The following PLCH1 variants were observed in gnomAD, a reference collection of about 807,000 sequenced individuals.
PLCH1 encodes the protein phospholipase C eta 1.
In PLCH1, 60 loss-of-function variants were observed where a neutral mutation model predicts 126.7. The observed-to-expected ratio is 0.47, with a 90% CI of 0.38 to 0.59. The LOEUF is 0.59. PLCH1 is among the 20% of genes least tolerant of loss of function. The pLI is 0.00. For missense variants in PLCH1, 1,723 were observed against 2,040.0 expected, an observed-to-expected ratio of 0.84 and a Z score of 2.99; for synonymous variants, 719 against 734.9, an observed-to-expected ratio of 0.98 and a Z score of 0.35.
At chr3:155,673,168 C>T (rs1483055969) in intron 2 of PLCH1, among the ~76,000 whole-genome samples, 1 of 145,050 alleles carries the variant, frequency 6.9e-6, no homozygotes, top group Non-Finnish European at 1.5e-5. Context: ...CTTGCTTATA[C>T]ACCTGACATC....
chr3:155,655,931 C>G lies in PLCH1; in HGVS notation c.79+48215G>C, dbSNP rs149281789. On this transcript the variant is annotated intron_variant, in intron 2 of 22. Transcript: ENST00000460012. ...AATAAAACAGATTACAAAATACTAG[C>G]AAAACTACCCAAGGAAGAAAAGAAT... 4.0e-4 allele frequency among the ~76,000 whole-genome samples: 61 copies of G among 151,932 alleles called. No individual in the cohort carries two copies. In the East Asian group the frequency reaches 0.012, roughly 29 times the overall value.
chr3:155,583,621 G>C lies in PLCH1; in HGVS notation c.622C>G (p.Gln208Glu). ...AACTCTTCAAATGTCAAAGTTCCCT[G>C]ATTCTCATCTGTGTCGGCTTCCTGA... ...MFQEADTDENQGTLTFEEFCV... is the reference protein window; with the variant it reads ...MFQEADTDENEGTLTFEEFCV... Residue 208 changes from glutamine to glutamate, a missense_variant, in exon 6 of 23, where the codon CAG (glutamine) becomes GAG (glutamate). By Grantham distance (29) the Gln-to-Glu change is conservative. Around this residue, in one of 2 missense-constraint regions of PLCH1, gnomAD observed 776 missense variants for 1,062.9 expected, o/e 0.73. Coordinates refer to ENST00000460012, the MANE Select transcript of PLCH1 (RefSeq NM_014996.4). The C allele has an allele frequency of 6.3e-7, 1 of 1,576,090 alleles. No homozygotes were observed. The highest frequency in any genetic ancestry group is 8.6e-7 in the Non-Finnish European group (1 of 1,169,546).
At chr3:155,452,814 C>A (rs1712341502) in intron 21 of PLCH1, among the ~76,000 whole-genome samples, 1 of 152,138 alleles carries the variant, frequency 6.6e-6, no homozygotes, top group African/African-American at 2.4e-5. Context: ...CTCAAAACAT[C>A]TATGTATGCT....
chr3:155,684,787 C>T (rs192091188), intron 2 of PLCH1, among the ~76,000 whole-genome samples: 1 of 152,298 alleles, frequency 6.6e-6, no homozygotes, highest in African/African-American at 2.4e-5. Context: ...GAAAAATCAA[C>T]TCCTTTGTCT....
chr3:155,505,097 G>A (rs1057057356), intron 12 of PLCH1, among the ~76,000 whole-genome samples: 2 of 152,208 alleles, frequency 1.3e-5, no homozygotes, highest in African/African-American at 2.4e-5. Flanking sequence ...ACTAAACAGT[G>A]CTATGTGGGA....
intron 1 of PLCH1, among the ~76,000 whole-genome samples, chr3:155,740,278 G>T (rs527708288): frequency 1.3e-5 from 2 of 152,146 alleles, no homozygotes; most frequent in African/African-American, 4.8e-5. Context: ...GGGCATGATG[G>T]CGGGCGCCTG....
rs745320298 is a variant in PLCH1, at chr3:155,586,056, A to G, written c.600+9T>C. On this transcript the variant is annotated intron_variant, in intron 5 of 22. Transcript: ENST00000460012. ...TTTATATAAGGCCAGTGAAATTGTGAAAACTTACCTGAAACATTTGTCTGA... is the reference window on the plus strand; with the variant it reads ...TTTATATAAGGCCAGTGAAATTGTGGAAACTTACCTGAAACATTTGTCTGA... 3 of 1,613,674 alleles carry G rather than the reference A, an allele frequency of 1.9e-6. No individual in the cohort carries two copies. The highest frequency in any genetic ancestry group is 2.2e-5 in the South Asian group (2 of 91,070).
intron 2 of PLCH1, among the ~76,000 whole-genome samples, chr3:155,652,218 C>A (rs1740783807): frequency 6.6e-6 from 1 of 152,166 alleles, no homozygotes; most frequent in Admixed American, 6.5e-5. Flanking sequence ...GCTACTGGAC[C>A]CCTCAAACAG....
chr3:155,700,033 C>A (rs1490329615), intron 2 of PLCH1, among the ~76,000 whole-genome samples: 1 of 152,160 alleles, frequency 6.6e-6, no homozygotes, highest in East Asian at 1.9e-4. Flanking sequence ...TTTGACTACA[C>A]AGAGACCTCA....
At chr3:155,610,786 C>CAA (rs58036188) in intron 2 of PLCH1, among the ~76,000 whole-genome samples, 19 of 150,924 alleles carry the variant, frequency 1.3e-4, no homozygotes, top group East Asian at 5.8e-4. Flanking sequence ...ACAGGGCCTA[C>CAA]AAAAAAAACA....
At chr3:155,669,564 T>A (rs1743184700) in intron 2 of PLCH1, among the ~76,000 whole-genome samples, 1 of 152,190 alleles carries the variant, frequency 6.6e-6, no homozygotes, top group East Asian at 1.9e-4. Context: ...GACAACAAAA[T>A]TTGTATGTTC....
chr3:155,591,782 G>A (rs1732206727), intron 4 of PLCH1, among the ~76,000 whole-genome samples: 2 of 152,058 alleles, frequency 1.3e-5, no homozygotes, highest in South Asian at 4.2e-4. Flanking sequence ...GTAGCTCACC[G>A]CTGCCTCCAA....
chr3:155,682,330 A>G (rs148063039), intron 2 of PLCH1, among the ~76,000 whole-genome samples: 69 of 152,340 alleles, frequency 4.5e-4, no homozygotes, highest in Middle Eastern at 3.4e-3. Context: ...TATGAAGCTC[A>G]GAAAGCCCCA....
chr3:155,606,983 A>T (rs1378529773), intron 2 of PLCH1, among the ~76,000 whole-genome samples: 3 of 152,248 alleles, frequency 2.0e-5, no homozygotes, highest in Non-Finnish European at 2.9e-5. Context: ...AATACAATTT[A>T]AAAATTTACA....
intron 1 of PLCH1, among the ~76,000 whole-genome samples, chr3:155,730,117 T>C (rs1335371715): frequency 1.3e-5 from 2 of 151,984 alleles, no homozygotes; most frequent in Non-Finnish European, 2.9e-5. Flanking sequence ...TTCTTAATCC[T>C]CTAACAGGTC....
At chr3:155,682,828 A>G (rs149280901) in intron 2 of PLCH1, among the ~76,000 whole-genome samples, 6 of 152,340 alleles carry the variant, frequency 3.9e-5, no homozygotes, top group Non-Finnish European at 8.8e-5. Flanking sequence ...AACCCAGTGT[A>G]TTACAAAAAT....
intron 2 of PLCH1, among the ~76,000 whole-genome samples, chr3:155,691,814 A>G (rs1745405315): frequency 6.6e-6 from 1 of 152,118 alleles, no homozygotes; most frequent in Admixed American, 6.5e-5. Context: ...AGTTCTCATC[A>G]TAGATTAATC....
chr3:155,501,129 T>C (rs1717826692), intron 13 of PLCH1, among the ~76,000 whole-genome samples: 1 of 152,206 alleles, frequency 6.6e-6, no homozygotes, highest in African/African-American at 2.4e-5. Context: ...TAAATGATTA[T>C]AAGGGACAAA....
intron 2 of PLCH1, among the ~76,000 whole-genome samples, chr3:155,671,817 G>A (rs1577293212): frequency 6.6e-6 from 1 of 152,154 alleles, no homozygotes. Flanking sequence ...ATAAGTGGCA[G>A]TGTAAGTGCA....
Sources: allele counts gnomAD v4.1 joint callset (sites outside exome capture counted in the v4.1 genomes callset), GRCh38; gene constraint gnomAD v4.1.1; regional missense constraint gnomAD v4.1.1; transcripts MANE v1.5; gene names NCBI Gene and HGNC (gene_info 2026-07-23, HGNC 2026-07-21).